The following CDH12 variants were observed in gnomAD, a reference collection of about 807,000 sequenced individuals.
CDH12 encodes the protein cadherin 12, also known as cadherin-12.
Under a neutral mutation model 74.1 loss-of-function variants are expected in CDH12, and 41 were observed. The observed-to-expected ratio is 0.55, with a 90% CI of 0.43 to 0.72. The LOEUF is 0.72. Among genes scored for constraint, CDH12 ranks in the 30% least tolerant of loss-of-function variants. CDH12 has a pLI of 0.00. For missense variants in CDH12, 945 were observed against 977.2 expected (o/e 0.97, Z 0.44); for synonymous variants, 399 against 355.0 (o/e 1.12, Z -1.39).
intron 11 of CDH12, among the ~76,000 whole-genome samples, chr5:21,782,160 G>A (rs1177902915): frequency 6.6e-6 from 1 of 152,140 alleles, no homozygotes; most frequent in Non-Finnish European, 1.5e-5. Context: ...GGAAGGCAGA[G>A]CTGAGCTGGA....
intron 1 of CDH12, among the ~76,000 whole-genome samples, chr5:22,604,819 A>G (rs142960245): frequency 6.6e-6 from 1 of 152,120 alleles, no homozygotes; most frequent in Non-Finnish European, 1.5e-5. Flanking sequence ...CACTTGCTCC[A>G]AAGTAAGAGA....
intron 3 of CDH12, among the ~76,000 whole-genome samples, chr5:22,381,926 T>C (rs146717562): frequency 0.024 from 3,627 of 150,342 alleles, 82 homozygotes; most frequent in Non-Finnish European, 0.037. Context: ...TGGAAATATA[T>C]ATATATATTT....
intron 3 of CDH12, among the ~76,000 whole-genome samples, chr5:22,308,869 G>C (rs1177103750): frequency 3.7e-5 from 5 of 133,906 alleles, no homozygotes; most frequent in Admixed American, 3.1e-4. Context: ...GAGAGAGAGA[G>C]GAGAGAGAGA....
intron 2 of CDH12, among the ~76,000 whole-genome samples, chr5:22,447,710 C>T (rs1430620560): frequency 6.6e-6 from 1 of 151,972 alleles, no homozygotes; most frequent in Non-Finnish European, 1.5e-5. Context: ...AAAACTATTG[C>T]TAGCTTCTCA....
chr5:22,617,365 A>G (rs1459272140), intron 1 of CDH12, among the ~76,000 whole-genome samples: 1 of 152,132 alleles, frequency 6.6e-6, no homozygotes, highest in Non-Finnish European at 1.5e-5. Flanking sequence ...GACCCAATCT[A>G]TAAGATTCTA....
intron 1 of CDH12, among the ~76,000 whole-genome samples, chr5:22,716,567 G>A (rs886079465): frequency 6.6e-6 from 1 of 151,084 alleles, no homozygotes; most frequent in Non-Finnish European, 1.5e-5. Flanking sequence ...TTATTTTAGT[G>A]TGTGCTCCTT....
At chr5:22,825,600 A>G (rs758513113) in intron 1 of CDH12, among the ~76,000 whole-genome samples, 11 of 152,316 alleles carry the variant, frequency 7.2e-5, no homozygotes, top group African/African-American at 1.4e-4. Context: ...ACATGGATCA[A>G]TGACTAAGGG....
rs34576542 is a variant in CDH12, at chr5:22,478,417, C to CAAA, written c.-428+26850_-428+26852dup. On this transcript the variant is annotated intron_variant, in intron 2 of 14. Coordinates refer to ENST00000382254, the MANE Select transcript of CDH12 (RefSeq NM_004061.5). ...TGGGCGACAGAGCGAGACTCCGTCT[C>CAAA]AAAAAAAAAAAAAAAAAAAAGAAAG... is the stretch of plus-strand genomic sequence containing the variant. 7.3e-3 allele frequency among the ~76,000 whole-genome samples: 640 copies of CAAA among 88,028 alleles called. 20 individuals are homozygous for CAAA. The highest frequency in any genetic ancestry group is 0.022 in the African/African-American group (479 of 21,370). 57.7% of individuals were successfully genotyped at this position (88,028 alleles called of 152,430 possible).
At chr5:21,866,225 C>T (rs1751318036) in intron 6 of CDH12, among the ~76,000 whole-genome samples, 1 of 152,202 alleles carries the variant, frequency 6.6e-6, no homozygotes, top group Non-Finnish European at 1.5e-5. Context: ...ACTAATACAG[C>T]AAATTGGTAC....
At chr5:22,323,181 T>A (rs903516762) in intron 3 of CDH12, among the ~76,000 whole-genome samples, 2 of 152,188 alleles carry the variant, frequency 1.3e-5, no homozygotes, top group South Asian at 4.1e-4. Flanking sequence ...CAGTCTCAAA[T>A]GTGAAAATAT....
intron 4 of CDH12, among the ~76,000 whole-genome samples, chr5:22,205,220 G>C (rs1288864688): frequency 6.6e-6 from 1 of 152,086 alleles, no homozygotes; most frequent in Non-Finnish European, 1.5e-5. Context: ...ACTCAATCTT[G>C]GTCAACAATA....
At chr5:21,957,373 C>T (rs989540469) in intron 6 of CDH12, among the ~76,000 whole-genome samples, 8 of 152,056 alleles carry the variant, frequency 5.3e-5, no homozygotes, top group African/African-American at 1.9e-4. Context: ...CTGCAATGAA[C>T]ATTTGTGTGC....
chr5:22,225,581 G>A (rs1752167114), intron 3 of CDH12, among the ~76,000 whole-genome samples: 1 of 151,988 alleles, frequency 6.6e-6, no homozygotes, highest in African/African-American at 2.4e-5. Flanking sequence ...GTAGATAAAT[G>A]GATAACCTTT....
intron 1 of CDH12, among the ~76,000 whole-genome samples, chr5:22,616,295 A>G (rs1229502657): frequency 6.6e-6 from 1 of 152,132 alleles, no homozygotes; most frequent in Non-Finnish European, 1.5e-5. Context: ...ATATACAAAT[A>G]GGTATGAGAA....
intron 1 of CDH12, among the ~76,000 whole-genome samples, chr5:22,765,209 T>C (rs1422777553): frequency 6.6e-6 from 1 of 151,934 alleles, no homozygotes; most frequent in Non-Finnish European, 1.5e-5. Flanking sequence ...TCATCATTAT[T>C]AAAGGAAGCC....
chr5:22,639,901 A>C (rs1476374463), intron 1 of CDH12, among the ~76,000 whole-genome samples: 1 of 152,204 alleles, frequency 6.6e-6, no homozygotes, highest in Non-Finnish European at 1.5e-5. Context: ...CCTATTAATC[A>C]GGAAGATTTA....
At chr5:22,308,530 T>G (rs558054609) in intron 3 of CDH12, among the ~76,000 whole-genome samples, 1 of 152,286 alleles carries the variant, frequency 6.6e-6, no homozygotes, top group Admixed American at 6.5e-5. Context: ...CCAATTGTTC[T>G]GAAATTAAAT....
At chr5:22,128,145 C>G (rs947218868) in intron 4 of CDH12, among the ~76,000 whole-genome samples, 2 of 152,124 alleles carry the variant, frequency 1.3e-5, no homozygotes, top group African/African-American at 4.8e-5. Flanking sequence ...GGGATTCACT[C>G]TTGAGTTGGA....
At chr5:22,456,863 C>A (rs1745295790) in intron 2 of CDH12, among the ~76,000 whole-genome samples, 1 of 151,914 alleles carries the variant, frequency 6.6e-6, no homozygotes, top group South Asian at 2.1e-4. Context: ...TTGTGGAGCT[C>A]ACAACAAAAG....
Sources: allele counts gnomAD v4.1 joint callset (sites outside exome capture counted in the v4.1 genomes callset), GRCh38; gene constraint gnomAD v4.1.1; transcripts MANE v1.5; gene names NCBI Gene and HGNC (gene_info 2026-07-23, HGNC 2026-07-21).